The following CDIN1 variants were observed in gnomAD, a reference collection of about 807,000 sequenced individuals.
CDIN1 encodes CDAN1-interacting nuclease 1.
Under a neutral mutation model 45.3 loss-of-function variants are expected in CDIN1, and 33 were observed. The observed-to-expected ratio is 0.73, with a 90% CI of 0.55 to 0.97. The LOEUF is 0.97. Ranked by LOEUF, CDIN1 falls within the 50% of genes least tolerant of loss-of-function variation. CDIN1 has a pLI of 0.00. For missense variants in CDIN1, 303 were observed against 339.4 expected, an observed-to-expected ratio of 0.89 and a Z score of 0.84; for synonymous variants, 118 against 124.4, an observed-to-expected ratio of 0.95 and a Z score of 0.34.
chr15:36,592,680 G>T (rs996421041), intron 1 of CDIN1, among the ~76,000 whole-genome samples: 1 of 152,098 alleles, frequency 6.6e-6, no homozygotes, highest in South Asian at 2.1e-4. Flanking sequence ...CTTAGGAGGA[G>T]TACCTAGTAT....
intron 5 of CDIN1, among the ~76,000 whole-genome samples, chr15:36,684,074 C>T (rs1489521606): frequency 1.3e-5 from 2 of 151,466 alleles, no homozygotes; most frequent in Non-Finnish European, 2.9e-5. Context: ...ATTTCCTTCT[C>T]CTGCCTAATT....
At chr15:36,622,302 G>T (rs183020304) in intron 1 of CDIN1, among the ~76,000 whole-genome samples, 117 of 152,228 alleles carry the variant, frequency 7.7e-4, no homozygotes, top group Non-Finnish European at 1.3e-3. Flanking sequence ...TTGAGGGAGG[G>T]GTGGGGACAG....
At chr15:36,732,487 A>G (rs915378171) in intron 10 of CDIN1, among the ~76,000 whole-genome samples, 1 of 152,152 alleles carries the variant, frequency 6.6e-6, no homozygotes, top group African/African-American at 2.4e-5. Context: ...AGGCATGACA[A>G]TGCCATTGTG....
chr15:36,632,016 G>A (rs982839055), intron 1 of CDIN1, among the ~76,000 whole-genome samples: 1 of 151,876 alleles, frequency 6.6e-6, no homozygotes, highest in African/African-American at 2.4e-5. Flanking sequence ...GGAATTTTTT[G>A]TAGAGATGGA....
In CDIN1 at chr15:36,724,113, C is replaced by A. The variant is rs974063710; in HGVS notation, c.716+14152C>A. 2.6e-5 allele frequency among the ~76,000 whole-genome samples: 4 copies of A among 152,166 alleles called. 1 individual carries two copies. The highest frequency in any genetic ancestry group is 9.6e-5 in the African/African-American group (4 of 41,452). On this transcript the variant is annotated intron_variant, in intron 10 of 10. Coordinates refer to ENST00000566621, the MANE Select transcript of CDIN1 (RefSeq NM_001321759.2). ...AGGTTAAGTGCCCAAATCAAGGTCA[C>A]AGAGCTAGAAAGCCAGTGGAGTTTT...
At chr15:36,769,490 C>T (rs1056752864) in intron 10 of CDIN1, among the ~76,000 whole-genome samples, 1 of 152,164 alleles carries the variant, frequency 6.6e-6, no homozygotes, top group Non-Finnish European at 1.5e-5. Flanking sequence ...ACCCCACCCA[C>T]GTTACAGAGG....
chr15:36,700,353 A>T (rs1346250790), intron 8 of CDIN1, among the ~76,000 whole-genome samples: 2 of 152,148 alleles, frequency 1.3e-5, no homozygotes, highest in East Asian at 3.9e-4. Context: ...TCCAGTGAGA[A>T]TGCATCTCAC....
intron 5 of CDIN1, among the ~76,000 whole-genome samples, chr15:36,682,373 T>G (rs1261117475): frequency 1.3e-5 from 2 of 152,118 alleles, no homozygotes; most frequent in African/African-American, 4.8e-5. Flanking sequence ...TAGTCGGTCC[T>G]TCAATGGATT....
At chr15:36,645,932 T>G (rs989685652) in intron 3 of CDIN1, among the ~76,000 whole-genome samples, 7 of 149,752 alleles carry the variant, frequency 4.7e-5, no homozygotes, top group Non-Finnish European at 8.9e-5. Flanking sequence ...ATAAATAAAT[T>G]TCAACTTCTT....
chr15:36,797,924 G>A (rs1418711713), intron 10 of CDIN1, among the ~76,000 whole-genome samples: 2 of 143,402 alleles, frequency 1.4e-5, no homozygotes, highest in East Asian at 4.1e-4. Flanking sequence ...AGGTTGCAGT[G>A]AGCCAAGATC....
In CDIN1 at chr15:36,808,314, G is replaced by A; in HGVS notation, c.717-10G>A. 2 of 1,613,082 alleles carry A rather than the reference G, an allele frequency of 1.2e-6. No homozygotes were observed. Among genetic ancestry groups the A allele is most frequent in the Non-Finnish European group, 1.7e-6 (2 of 1,179,296 alleles). ...CCATGTGTGTGTGTTATTTTCTGGT[G>A]TTTTTACAGATTTGGGCCAGGCTTA... On this transcript the variant is annotated splice_polypyrimidine_tract_variant and intron_variant, in intron 10 of 10. Transcript: ENST00000566621.
intron 5 of CDIN1, among the ~76,000 whole-genome samples, chr15:36,661,810 A>G (rs2041027602): frequency 6.6e-6 from 1 of 152,194 alleles, no homozygotes; most frequent in Admixed American, 6.5e-5. Context: ...CATTATAGAA[A>G]ATCTCTGTTA....
intron 10 of CDIN1, among the ~76,000 whole-genome samples, chr15:36,716,940 C>G (rs1018362979): frequency 6.6e-6 from 1 of 152,148 alleles, no homozygotes; most frequent in African/African-American, 2.4e-5. Flanking sequence ...ACCCAAGTCT[C>G]TTTGTGAACT....
chr15:36,645,111 C>T (rs1302285901), intron 2 of CDIN1, 112 bp from the exon 3 acceptor site: 13 of 779,448 alleles, frequency 1.7e-5, no homozygotes, highest in Admixed American at 6.9e-5. Context: ...AGCTGTTATT[C>T]AGTGTTCCCT....
chr15:36,655,926 G>A (rs1873650294), intron 4 of CDIN1, among the ~76,000 whole-genome samples: 1 of 152,110 alleles, frequency 6.6e-6, no homozygotes, highest in African/African-American at 2.4e-5. Flanking sequence ...CAGTCTTCTA[G>A]TAATATGGAA....
At chr15:36,596,040 A>C (rs898813414) in intron 1 of CDIN1, among the ~76,000 whole-genome samples, 1 of 152,196 alleles carries the variant, frequency 6.6e-6, no homozygotes, top group Non-Finnish European at 1.5e-5. Context: ...AGTATTCTAA[A>C]GAATGAACTC....
chr15:36,800,938 T>TATATATATATATATATAC (rs1566984600), intron 10 of CDIN1, among the ~76,000 whole-genome samples: 1 of 127,946 alleles, frequency 7.8e-6, no homozygotes, highest in South Asian at 2.6e-4. Context: ...TATATATATA[T>TATATATATATATATATAC]ATATATGATT....
At chr15:36,605,724 C>T (rs2038334372) in intron 1 of CDIN1, among the ~76,000 whole-genome samples, 1 of 152,124 alleles carries the variant, frequency 6.6e-6, no homozygotes, top group Admixed American at 6.6e-5. Context: ...GCAGGGTGTG[C>T]CTAATCTGTC....
chr15:36,795,264 G>A (rs2054765478), intron 10 of CDIN1, among the ~76,000 whole-genome samples: 1 of 152,118 alleles, frequency 6.6e-6, no homozygotes, highest in African/African-American at 2.4e-5. Context: ...AGTGTACTGT[G>A]TATTTCAAAA....
Sources: gnomAD v4.1 joint callset for allele counts (sites outside exome capture counted in the v4.1 genomes callset) on GRCh38, gnomAD v4.1.1 for gene constraint, MANE v1.5 for transcripts, NCBI Gene and HGNC (gene_info 2026-07-23, HGNC 2026-07-21) for gene names.